The following PXK variants were observed in gnomAD, a reference collection of about 807,000 sequenced individuals.
The protein encoded by PXK is PX domain-containing protein kinase-like protein.
In PXK, 35 loss-of-function variants were observed where a neutral mutation model predicts 84.7. The ratio of observed to expected loss-of-function variants is 0.41; its 90% confidence interval spans 0.32 to 0.55. The LOEUF (loss-of-function observed/expected upper bound fraction) is 0.55, where lower values mean the gene tolerates loss of function less well. Among genes scored for constraint, PXK ranks in the 20% least tolerant of loss-of-function variants. The pLI, the probability that PXK is intolerant of heterozygous loss-of-function variation, is 0.21. For synonymous variants in PXK, 253 were observed against 260.8 expected (o/e 0.97, Z 0.29); for missense variants, 634 against 699.7 (o/e 0.91, Z 1.06).
At chr3:58,418,104 C>G (rs1339410655) in intron 17 of PXK, among the ~76,000 whole-genome samples, 1 of 152,160 alleles carries the variant, frequency 6.6e-6, no homozygotes, top group African/African-American at 2.4e-5. Context: ...CAGGCATGAG[C>G]CACCCACACC....
In PXK at chr3:58,420,904, C is replaced by A. The variant is rs1033873836; in HGVS notation, c.1529-3848C>A. On this transcript the variant is annotated intron_variant, in intron 17 of 17. Transcript: ENST00000356151. Reference sequence around the variant, plus strand: ...CATAACTCTCAAAGTCCCGTTGCTGCAAAAATGTTGATTCCTAGTTACTCT... The same window carrying A: ...CATAACTCTCAAAGTCCCGTTGCTGAAAAAATGTTGATTCCTAGTTACTCT... The A allele has an allele frequency of 7.0e-5, 79 of 1,127,196 alleles. 1 individual carries two copies. The African/African-American group carries it at 1.2e-3, about 18-fold the overall frequency. 69.8% of individuals were successfully genotyped at this position (1,127,196 alleles called of 1,614,324 possible). A position where few individuals can be genotyped will look rare whatever the true frequency, so the allele number is the denominator to read the frequency against.
At chr3:58,422,499 GTATT>G in intron 17 of PXK, 1 of 985,390 alleles carries the variant, frequency 1.0e-6, no homozygotes, top group Non-Finnish European at 1.2e-6. Flanking sequence ...TTTGGACAGT[GTATT>G]TATTGACACC....
At chr3:58,339,171 C>T (rs183154106) in intron 1 of PXK, among the ~76,000 whole-genome samples, 18 of 151,438 alleles carry the variant, frequency 1.2e-4, no homozygotes, top group African/African-American at 4.1e-4. Context: ...GTTGTCTCTT[C>T]CTATTGAAGA....
In PXK at chr3:58,409,110, TACTCTC is replaced by T. The variant is rs1181219814; in HGVS notation, c.1308+111_1308+116del. The T allele has an allele frequency of 4.3e-5, 36 of 831,806 alleles. No homozygotes were observed. Among genetic ancestry groups the T allele is most frequent in the Non-Finnish European group, 6.3e-5 (33 of 519,704 alleles). The allele number at this position is 831,806 out of a possible 1,614,324, so 51.5% of individuals were successfully genotyped here. ...CCTCTGCAAATATTTTAAGCATACT[TACTCTC>T]AGCCAGCCTTTAGGCTAAATGCTTC... is the stretch of plus-strand genomic sequence containing the variant. On this transcript the variant is annotated intron_variant, in intron 14 of 17. Coordinates refer to ENST00000356151, the MANE Select transcript of PXK (RefSeq NM_017771.5). The surrounding 1 kb of genome is among the most constrained non-coding windows in gnomAD (Gnocchi z 4.2).
chr3:58,359,117 T>C (rs920057996), intron 1 of PXK, among the ~76,000 whole-genome samples: 2 of 152,170 alleles, frequency 1.3e-5, no homozygotes, highest in Admixed American at 1.3e-4. Context: ...TAAAAACACA[T>C]GTCCAAACTT....
Position 58,368,140 on chromosome 3 carries a change from T to C in PXK, c.154-1291T>C, listed in dbSNP as rs1243147858. ...GTATGAGCCATTGTGCCTGGGCCTG[T>C]CTGTTTTTCTTGGTCTGTCCGTGTA... On this transcript the variant is annotated intron_variant, in intron 2 of 17. Transcript: ENST00000356151. Among the ~76,000 whole-genome samples, 4 of 152,068 alleles carry C rather than the reference T, an allele frequency of 2.6e-5. No individual in the cohort carries two copies. In the East Asian group the frequency reaches 7.7e-4, roughly 29 times the overall value.
At position 58,364,129 on chromosome 3, in the gene PXK, T is replaced by C. The variant is rs1358172269; in HGVS notation, c.103-1745T>C. Among the ~76,000 whole-genome samples the C allele has an allele frequency of 6.6e-6, 1 of 152,222 alleles. No individual in the cohort carries two copies. Among genetic ancestry groups the C allele is most frequent in the African/African-American group, 2.4e-5 (1 of 41,448 alleles). On this transcript the variant is annotated intron_variant, in intron 1 of 17. Coordinates refer to ENST00000356151, the MANE Select transcript of PXK (RefSeq NM_017771.5). This position sits in a 1 kb window ranked among gnomAD's most constrained non-coding sequence, Gnocchi z 4.3. ...ATAATTCTTTTTATAAATTGCTGAA[T>C]TCAATTTACTAATATTTTGGTAAGG...
intron 3 of PXK, among the ~76,000 whole-genome samples, chr3:58,380,672 G>A (rs1307213327): frequency 1.3e-5 from 2 of 152,098 alleles, no homozygotes; most frequent in Admixed American, 6.5e-5. Flanking sequence ...TTAGCCGGGT[G>A]CAGTGGCACA....
chr3:58,375,718 G>A (rs1233977196), intron 3 of PXK, among the ~76,000 whole-genome samples: 1 of 152,166 alleles, frequency 6.6e-6, no homozygotes, highest in East Asian at 1.9e-4. Context: ...CCCCATGTGA[G>A]TGTGGGTGTG....
At chr3:58,396,997 A>G in intron 9 of PXK, 42 bp from the exon 10 acceptor site, 12 of 1,573,226 alleles carry the variant, frequency 7.6e-6, no homozygotes, top group Non-Finnish European at 9.5e-6. Flanking sequence ...TTATATCTGA[A>G]TGAGTTTGGG....
In PXK at chr3:58,416,216, G is replaced by A. The variant is rs1255878238; in HGVS notation, c.1528+3253G>A. Among the ~76,000 whole-genome samples, 1 of 152,134 alleles carries A rather than the reference G, an allele frequency of 6.6e-6. No individual in the cohort carries two copies. The highest frequency in any genetic ancestry group is 1.5e-5 in the Non-Finnish European group (1 of 68,030). Reference sequence around the variant, plus strand: ...TTATCTTTAGTTTCTATAGGGCAAGGGAACTTCTCTGGAGCTTTAACTTCC... The same window carrying A: ...TTATCTTTAGTTTCTATAGGGCAAGAGAACTTCTCTGGAGCTTTAACTTCC... On this transcript the variant is annotated intron_variant, in intron 17 of 17. Coordinates refer to ENST00000356151, the MANE Select transcript of PXK (RefSeq NM_017771.5). This position sits in a 1 kb window ranked among gnomAD's most constrained non-coding sequence, Gnocchi z 4.8.
chr3:58,391,691 A>G (rs982591089), intron 6 of PXK, 82 bp from the exon 7 acceptor site: 17 of 1,251,514 alleles, frequency 1.4e-5, no homozygotes, highest in Non-Finnish European at 2.0e-5. Flanking sequence ...CATATTTTGG[A>G]TAATAAAATT....
chr3:58,415,276 T>C (rs746948230), intron 17 of PXK, among the ~76,000 whole-genome samples: 22 of 152,182 alleles, frequency 1.4e-4, no homozygotes, highest in Admixed American at 2.6e-4. Flanking sequence ...CCCCACAGGT[T>C]GGGGCTCAGT....
intron 3 of PXK, among the ~76,000 whole-genome samples, chr3:58,382,028 A>G (rs2098508157): frequency 6.6e-6 from 1 of 152,212 alleles, no homozygotes; most frequent in Non-Finnish European, 1.5e-5. Context: ...TAAAATTACT[A>G]TGCCTGGCCA....
rs73085806 is a variant in PXK, at chr3:58,409,629, T to C, written c.1395+11T>C. The stretch of plus-strand genomic sequence containing the variant: ...ATTTTAGCTCGAAAGGTAAGCCTGC[T>C]GTCTCTCTGCAGTCCCTCTATGAGT... On this transcript the variant is annotated intron_variant, in intron 15 of 17. Coordinates refer to ENST00000356151, the MANE Select transcript of PXK (RefSeq NM_017771.5). The surrounding 1 kb of genome is among the most constrained non-coding windows in gnomAD (Gnocchi z 4.2). 98,898 of 1,602,582 alleles carry C rather than the reference T, an allele frequency of 0.062. 3,544 individuals are homozygous for C. The highest frequency in any genetic ancestry group is 0.071 in the Non-Finnish European group (83,664 of 1,172,140).
At chr3:58,422,606 C>A (rs908123258) in intron 17 of PXK, 1 of 985,414 alleles carries the variant, frequency 1.0e-6, no homozygotes, top group Non-Finnish European at 1.2e-6. Flanking sequence ...TGAACCCCAC[C>A]CTCAACTCCC....
chr3:58,377,317 A>G (rs767759568), intron 3 of PXK, among the ~76,000 whole-genome samples: 4 of 152,176 alleles, frequency 2.6e-5, no homozygotes, highest in African/African-American at 4.8e-5. Flanking sequence ...GGTTTGCCCA[A>G]TTTAATGGTT....
At chr3:58,337,377 G>A (rs553220093) in intron 1 of PXK, among the ~76,000 whole-genome samples, 2 of 152,296 alleles carry the variant, frequency 1.3e-5, no homozygotes, top group East Asian at 3.9e-4. Context: ...CAACAAAAAT[G>A]TATTAAATGC....
In PXK at chr3:58,401,262, C is replaced by T. The variant is rs1270704255; in HGVS notation, c.1181+1885C>T. On this transcript the variant is annotated intron_variant, in intron 12 of 17. Coordinates refer to ENST00000356151, the MANE Select transcript of PXK (RefSeq NM_017771.5). This position sits in a 1 kb window ranked among gnomAD's most constrained non-coding sequence, Gnocchi z 4.4. The stretch of plus-strand genomic sequence containing the variant: ...GAGGGACAGGCGGGGCCCTGAAGAG[C>T]CCTGTGGGGAAAGCTAATCCTGTCA... Among the ~76,000 whole-genome samples the T allele has an allele frequency of 4.6e-5, 7 of 152,102 alleles. No individual in the cohort carries two copies. The highest frequency in any genetic ancestry group is 1.7e-4 in the African/African-American group (7 of 41,412).
Sources: allele counts gnomAD v4.1 joint callset (sites outside exome capture counted in the v4.1 genomes callset), GRCh38; gene constraint gnomAD v4.1.1; non-coding constraint Gnocchi (gnomAD v3.1); transcripts MANE v1.5; gene names NCBI Gene and HGNC (gene_info 2026-07-23, HGNC 2026-07-21).